The following PRKCI variants were observed in gnomAD, a reference collection of about 807,000 sequenced individuals.
PRKCI encodes protein kinase C iota, also known as protein kinase C iota type.
Under a neutral mutation model 84.0 loss-of-function variants are expected in PRKCI, and 43 were observed. That is an observed-to-expected ratio of 0.51 (90% confidence interval 0.40 to 0.66). PRKCI has a LOEUF of 0.66. Ranked by LOEUF, PRKCI falls within the 30% of genes least tolerant of loss-of-function variation. The pLI is 0.00. For synonymous variants in PRKCI, 216 were observed against 234.4 expected (o/e 0.92, Z 0.72); for missense variants, 459 against 745.6 (o/e 0.62, Z 4.48).
Position 170,295,149 on chromosome 3 carries a change from T to A in PRKCI, c.1418-762T>A, listed in dbSNP as rs1028570754. On this transcript the variant is annotated intron_variant, in intron 14 of 17. Transcript: ENST00000295797. The stretch of plus-strand genomic sequence containing the variant: ...ATCACTTCAGCCTGGAGGCGGAGGT[T>A]GCAGTGAGCTGAGATCGTGCCACTG... Among the ~76,000 whole-genome samples the A allele has an allele frequency of 4.0e-5, 6 of 151,828 alleles. No individual in the cohort carries two copies. In the South Asian group the frequency reaches 1.2e-3, roughly 32 times the overall value.
At position 170,270,552 on chromosome 3, in the gene PRKCI, T is replaced by G; in HGVS notation, c.582T>G (p.Ser194=). 6.2e-7 allele frequency: 1 copy of G among 1,610,308 alleles called. No homozygotes were observed. The highest frequency in any genetic ancestry group is 8.5e-7 in the Non-Finnish European group (1 of 1,178,792). ...KLVTIECGRH[S]LPQEPVMPMD... is the part of the protein sequence containing the mutation. ...TCACAATTGAATGTGGGCGGCATTC[T>G]TTGCCACAGGTAAGATGTCTGTCCT... The change falls in exon 6 of 18, where the codon TCT becomes TCG. Residue 194 remains serine, a synonymous_variant. Transcript: ENST00000295797.
At chr3:170,234,309 G>C (rs539206210) in intron 1 of PRKCI, among the ~76,000 whole-genome samples, 65 of 152,046 alleles carry the variant, frequency 4.3e-4, no homozygotes, top group Non-Finnish European at 9.6e-4. Flanking sequence ...GGGGTTACAG[G>C]TGTGAGCCAC....
chr3:170,263,292 A>G, intron 3 of PRKCI, 87 bp from the exon 4 acceptor site: 1 of 1,108,172 alleles, frequency 9.0e-7, no homozygotes, highest in South Asian at 1.4e-5. Context: ...AATCTGGGTC[A>G]GTTTCTTTTA....
At chr3:170,277,178 G>A (rs1734136486) in intron 8 of PRKCI, among the ~76,000 whole-genome samples, 1 of 151,838 alleles carries the variant, frequency 6.6e-6, no homozygotes, top group Non-Finnish European at 1.5e-5. Context: ...GAACTGGGGA[G>A]GCGGAGATTA....
chr3:170,232,720 A>T (rs998686588), intron 1 of PRKCI, among the ~76,000 whole-genome samples: 23 of 151,770 alleles, frequency 1.5e-4, no homozygotes, highest in African/African-American at 5.1e-4. Context: ...TTACAAAAAA[A>T]TTTTTTTTAG....
intron 2 of PRKCI, among the ~76,000 whole-genome samples, chr3:170,246,086 G>A (rs1243809636): frequency 1.3e-5 from 2 of 151,224 alleles, no homozygotes; most frequent in East Asian, 1.9e-4. Flanking sequence ...CCGAGTAGCT[G>A]GAACTACAGG....
At chr3:170,263,503 T>G (rs752346537) in intron 4 of PRKCI, 74 bp downstream of exon 4, 18 of 1,341,786 alleles carry the variant, frequency 1.3e-5, no homozygotes, top group African/African-American at 2.9e-5. Context: ...AAATCAGAGA[T>G]AGAATTTTTA....
intron 8 of PRKCI, among the ~76,000 whole-genome samples, chr3:170,279,862 T>A (rs908585974): frequency 2.0e-5 from 3 of 152,206 alleles, no homozygotes; most frequent in Non-Finnish European, 4.4e-5. Flanking sequence ...ACACTTGACG[T>A]TCCCTGTCAG....
rs573160898 is a variant in PRKCI at position 170,281,167 on chromosome 3, A to T, written c.884A>T (p.Asp295Val). The T allele has an allele frequency of 6.2e-7, 1 of 1,611,494 alleles. No individual in the cohort carries two copies. Among genetic ancestry groups the T allele is most frequent in the African/African-American group, 1.3e-5 (1 of 74,988 alleles). Residue 295 changes from aspartate (D) to valine (V), a missense_variant and splice_region_variant, in exon 10 of 18, where the codon GAT (aspartate) becomes GTT (valine). By Grantham distance (152) the Asp-to-Val change is radical. Around this residue, in one of 2 missense-constraint regions of PRKCI, gnomAD observed 209 missense variants for 425.9 expected, o/e 0.49. Coordinates refer to ENST00000295797, the MANE Select transcript of PRKCI (RefSeq NM_002740.6). Reference protein sequence around the residue: ...VKKELVNDDEDIDWVQTEKHV... With the variant: ...VKKELVNDDEVIDWVQTEKHV... Reference sequence around the variant, plus strand: ...GATTTCTTACATGTTTCAAAATAGGATATTGATTGGGTACAGACAGAGAAG... The same window carrying T: ...GATTTCTTACATGTTTCAAAATAGGTTATTGATTGGGTACAGACAGAGAAG...
At chr3:170,245,949 G>GTTTTTTTTTTTTTTTTTTTTGTTTTTTT (rs1733266871) in intron 2 of PRKCI, among the ~76,000 whole-genome samples, 1 of 82,462 alleles carries the variant, frequency 1.2e-5, no homozygotes, top group African/African-American at 4.9e-5. Context: ...TTATGTCTTT[G>GTTTTTTTTTTTTTTTTTTTTGTTTTTTT]TTTTTTTTTT....
At chr3:170,274,300 T>A (rs1230934286) in intron 7 of PRKCI, among the ~76,000 whole-genome samples, 2 of 151,960 alleles carry the variant, frequency 1.3e-5, no homozygotes, top group Admixed American at 1.3e-4. Flanking sequence ...CCCAGCTAAT[T>A]TTTTTGTATT....
chr3:170,231,002 C>G (rs1282642060), intron 1 of PRKCI, among the ~76,000 whole-genome samples: 3 of 149,586 alleles, frequency 2.0e-5, no homozygotes, highest in Non-Finnish European at 4.4e-5. Context: ...CACTGTCACC[C>G]AGGCTGGAGC....
intron 1 of PRKCI, among the ~76,000 whole-genome samples, chr3:170,228,008 G>A (rs1224678258): frequency 6.6e-6 from 1 of 152,164 alleles, no homozygotes; most frequent in African/African-American, 2.4e-5. Context: ...CAACTCATAG[G>A]TTTCTCGTTT....
intron 2 of PRKCI, among the ~76,000 whole-genome samples, chr3:170,242,159 C>T (rs1733149339): frequency 6.6e-6 from 1 of 152,094 alleles, no homozygotes; most frequent in African/African-American, 2.4e-5. Context: ...GTTGCCCAGG[C>T]TGGTCTTGAA....
intron 2 of PRKCI, among the ~76,000 whole-genome samples, chr3:170,249,587 A>G (rs1733385101): frequency 6.6e-6 from 1 of 151,920 alleles, no homozygotes; most frequent in South Asian, 2.1e-4. Flanking sequence ...CTAGGAGTTT[A>G]AGACCAGCCT....
At chr3:170,283,059 T>G (rs907002601) in intron 11 of PRKCI, among the ~76,000 whole-genome samples, 5 of 149,642 alleles carry the variant, frequency 3.3e-5, no homozygotes, top group Admixed American at 2.7e-4. Flanking sequence ...GAGCTGAGAT[T>G]GCGCCACTGC....
intron 5 of PRKCI, among the ~76,000 whole-genome samples, chr3:170,269,321 C>T (rs1432836262): frequency 6.6e-6 from 1 of 152,140 alleles, no homozygotes; most frequent in Admixed American, 6.5e-5. Context: ...AACCACCACC[C>T]GAAATCCCTC....
intron 2 of PRKCI, among the ~76,000 whole-genome samples, chr3:170,239,992 CA>C (rs869102203): frequency 6.6e-5 from 10 of 151,616 alleles, no homozygotes; most frequent in Non-Finnish European, 1.0e-4. Context: ...CCTGTCCCTA[CA>C]AAAAAAATTT....
chr3:170,305,309 C>G lies in PRKCI; in HGVS notation c.*2182C>G, dbSNP rs1411139673. ...ACCTCACTTTGAGAAATACCTTCTT[C>G]AGGTTATTCTTTATGTTTGTCCTGT... On this transcript the variant is annotated 3_prime_UTR_variant, in exon 18 of 18. Coordinates refer to ENST00000295797, the MANE Select transcript of PRKCI (RefSeq NM_002740.6). 6.6e-6 allele frequency: 1 copy of G among 152,582 alleles called. No individual in the cohort carries two copies. The highest frequency in any genetic ancestry group is 2.4e-5 in the African/African-American group (1 of 41,432). The allele number at this position is 152,582 out of a possible 1,614,324, so 9.5% of individuals were successfully genotyped here.
Sources: allele counts gnomAD v4.1 joint callset (sites outside exome capture counted in the v4.1 genomes callset), GRCh38; gene constraint gnomAD v4.1.1; regional missense constraint gnomAD v4.1.1; transcripts MANE v1.5; gene names NCBI Gene and HGNC (gene_info 2026-07-23, HGNC 2026-07-21).